SLC8A3: variants seen among roughly 807,000 people sequenced by gnomAD.
The protein encoded by SLC8A3 is solute carrier family 8 member A3.
In SLC8A3, 37 loss-of-function variants were observed where a neutral mutation model predicts 65.4. The ratio of observed to expected loss-of-function variants is 0.57; its 90% CI spans 0.44 to 0.74. The LOEUF is 0.74. Ranked by LOEUF, SLC8A3 falls within the 30% of genes least tolerant of loss-of-function variation. The probability of loss-of-function intolerance (pLI) is 0.00; values close to 1 mark genes in which losing one functional copy is unlikely to be tolerated. For synonymous variants in SLC8A3, 461 were observed against 444.5 expected, an observed-to-expected ratio of 1.04 and a Z score of -0.47; for missense variants, 1,112 against 1,172.1, an observed-to-expected ratio of 0.95 and a Z score of 0.75.
chr14:70,098,831 T>A (rs1892369142), intron 2 of SLC8A3, among the ~76,000 whole-genome samples: 1 of 152,214 alleles, frequency 6.6e-6, no homozygotes, highest in Non-Finnish European at 1.5e-5. Context: ...GAGTTCCTGG[T>A]AGTGCTTTGA....
intron 2 of SLC8A3, among the ~76,000 whole-genome samples, chr14:70,163,669 AT>A (rs1897012829): frequency 1.3e-5 from 2 of 152,202 alleles, no homozygotes; most frequent in African/African-American, 4.8e-5. Context: ...GCAAACAATC[AT>A]TATTCAATTA....
chr14:70,083,921 T>C lies in SLC8A3; in HGVS notation c.1785-22982A>G, dbSNP rs78938475. Among the ~76,000 whole-genome samples, 429 of 152,330 alleles carry C rather than the reference T, an allele frequency of 2.8e-3. 1 individual carries two copies. Among genetic ancestry groups the C allele is most frequent in the African/African-American group, 0.01 (421 of 41,574 alleles). ...AGTATATGAAGATGGTCCATTTCCA[T>C]GGATCAAGGGTATTACAACACAGAA... On this transcript the variant is annotated intron_variant, in intron 2 of 6. Transcript: ENST00000356921.
At chr14:70,165,567 A>C (rs1897118472) in intron 2 of SLC8A3, among the ~76,000 whole-genome samples, 1 of 152,214 alleles carries the variant, frequency 6.6e-6, no homozygotes, top group Non-Finnish European at 1.5e-5. Context: ...ATTCAGAGGA[A>C]GTTCCCGTTT....
At chr14:70,161,148 T>A (rs181478221) in intron 2 of SLC8A3, among the ~76,000 whole-genome samples, 1 of 145,828 alleles carries the variant, frequency 6.9e-6, no homozygotes, top group African/African-American at 2.5e-5. Flanking sequence ...TATAAATATA[T>A]ATGTATAATA....
intron 1 of SLC8A3, among the ~76,000 whole-genome samples, chr14:70,183,186 T>C (rs1203397699): frequency 6.6e-6 from 1 of 152,220 alleles, no homozygotes; most frequent in Non-Finnish European, 1.5e-5. Flanking sequence ...GAAAGCCCTA[T>C]TTGTCCTTCC....
intron 2 of SLC8A3, among the ~76,000 whole-genome samples, chr14:70,162,398 A>C (rs1389498785): frequency 6.6e-6 from 1 of 152,214 alleles, no homozygotes; most frequent in African/African-American, 2.4e-5. Context: ...TTCATAATTT[A>C]AAAAATGGGA....
Position 70,188,609 on chromosome 14 carries a change from G to C in SLC8A3, c.-293C>G, listed in dbSNP as rs1352026214. 1.3e-5 allele frequency: 2 copies of C among 152,210 alleles called. No homozygotes were observed. The highest frequency in any genetic ancestry group is 2.9e-5 in the Non-Finnish European group (2 of 68,074). 9.4% of individuals were successfully genotyped at this position (152,210 alleles called of 1,614,324 possible). ...GCGGGGCAGCGCATCTGGAGCGCGG[G>C]GTCTGGGAGGGAGGGTGTCTGGGGC... is the stretch of plus-strand genomic sequence containing the variant. On this transcript the variant is annotated 5_prime_UTR_variant, in exon 1 of 7. Transcript: ENST00000356921.
At chr14:70,087,022 G>A (rs7150636) in intron 2 of SLC8A3, among the ~76,000 whole-genome samples, 30,160 of 152,164 alleles carry the variant, frequency 0.2, 3,193 homozygotes, top group Non-Finnish European at 0.23. Context: ...CTGGAGGCAG[G>A]CTGCTGCTGA....
intron 2 of SLC8A3, among the ~76,000 whole-genome samples, chr14:70,152,090 A>G (rs1896309649): frequency 6.6e-6 from 1 of 152,162 alleles, no homozygotes; most frequent in Non-Finnish European, 1.5e-5. Flanking sequence ...AAAAGAAATG[A>G]AAGAATTTGG....
intron 2 of SLC8A3, among the ~76,000 whole-genome samples, chr14:70,063,132 C>T (rs1889007470): frequency 6.6e-6 from 1 of 152,188 alleles, no homozygotes; most frequent in Non-Finnish European, 1.5e-5. Flanking sequence ...ACTATTCTAA[C>T]TCTCTGCCTC....
chr14:70,066,573 G>A (rs1404732953), intron 2 of SLC8A3, among the ~76,000 whole-genome samples: 3 of 152,168 alleles, frequency 2.0e-5, no homozygotes, highest in Non-Finnish European at 4.4e-5. Context: ...TGCTTTGGAA[G>A]GCCGAGGCGG....
chr14:70,185,684 G>A (rs1261320743), intron 1 of SLC8A3, among the ~76,000 whole-genome samples: 1 of 152,148 alleles, frequency 6.6e-6, no homozygotes, highest in African/African-American at 2.4e-5. Context: ...ACATTTACTG[G>A]GCACCTATCC....
intron 2 of SLC8A3, among the ~76,000 whole-genome samples, chr14:70,101,743 C>T (rs903822917): frequency 2.0e-5 from 3 of 152,158 alleles, no homozygotes; most frequent in African/African-American, 7.2e-5. Flanking sequence ...AGGTATTGAA[C>T]AGCAAACAGT....
At chr14:70,091,187 C>A (rs1891780848) in intron 2 of SLC8A3, among the ~76,000 whole-genome samples, 1 of 152,196 alleles carries the variant, frequency 6.6e-6, no homozygotes, top group Admixed American at 6.5e-5. Context: ...CTGCCATCTT[C>A]CTTTCTGCAG....
At chr14:70,161,205 G>T (rs1179895067) in intron 2 of SLC8A3, among the ~76,000 whole-genome samples, 1 of 142,200 alleles carries the variant, frequency 7.0e-6, no homozygotes. Context: ...CAGGAGAATG[G>T]CGTGAACCCG....
intron 2 of SLC8A3, among the ~76,000 whole-genome samples, chr14:70,136,109 C>T (rs1192005785): frequency 6.6e-6 from 1 of 152,002 alleles, no homozygotes; most frequent in East Asian, 1.9e-4. Flanking sequence ...CACAGACACA[C>T]ACAAAAAGAA....
intron 2 of SLC8A3, among the ~76,000 whole-genome samples, chr14:70,120,782 T>G (rs1356207092): frequency 6.6e-6 from 1 of 152,114 alleles, no homozygotes; most frequent in Non-Finnish European, 1.5e-5. Flanking sequence ...ATTTGAAAAT[T>G]TTACTAGTTC....
chr14:70,166,212 G>C (rs954911623), intron 2 of SLC8A3, among the ~76,000 whole-genome samples: 1 of 152,168 alleles, frequency 6.6e-6, no homozygotes, highest in African/African-American at 2.4e-5. Context: ...TTGCTGCCCA[G>C]AATGGAAAGG....
chr14:70,077,437 G>A (rs904917165), intron 2 of SLC8A3, among the ~76,000 whole-genome samples: 1 of 152,174 alleles, frequency 6.6e-6, no homozygotes, highest in Non-Finnish European at 1.5e-5. Flanking sequence ...CTCTCACAGG[G>A]TGGATTGTGG....
Sources: allele counts gnomAD v4.1 joint callset (sites outside exome capture counted in the v4.1 genomes callset), GRCh38; gene constraint gnomAD v4.1.1; transcripts MANE v1.5; gene names NCBI Gene and HGNC (gene_info 2026-07-23, HGNC 2026-07-21).